ACP7: variants seen among roughly 807,000 people sequenced by gnomAD.
The protein encoded by ACP7 is acid phosphatase type 7.
In ACP7, 58 loss-of-function variants were observed where a neutral mutation model predicts 60.6. That is an observed-to-expected ratio of 0.96 (90% CI 0.77 to 1.19). The LOEUF (loss-of-function observed/expected upper bound fraction) is 1.19. Ranked by LOEUF, ACP7 falls within the 50% of genes most tolerant of loss-of-function variation. ACP7 has a pLI of 0.00. For missense variants in ACP7, 574 were observed against 596.2 expected (o/e 0.96, Z 0.39); for synonymous variants, 237 against 232.6 (o/e 1.02, Z -0.17).
chr19:39,101,942 C>CAAA (rs35540772), intron 11 of ACP7, among the ~76,000 whole-genome samples: 51 of 122,972 alleles, frequency 4.1e-4, no homozygotes, highest in African/African-American at 1.3e-3. Context: ...CTTGTCTATA[C>CAAA]AAAAAAAAAA....
intron 12 of ACP7, among the ~76,000 whole-genome samples, chr19:39,108,296 C>A (rs1051737134): frequency 6.6e-6 from 1 of 151,866 alleles, no homozygotes; most frequent in African/African-American, 2.4e-5. Flanking sequence ...CCCACCACCA[C>A]ACCCGGCTAA....
At chr19:39,092,743 TTCA>T (rs1222903764) in intron 2 of ACP7, among the ~76,000 whole-genome samples, 1 of 151,808 alleles carries the variant, frequency 6.6e-6, no homozygotes, top group Non-Finnish European at 1.5e-5. Flanking sequence ...TCTCTGTTTC[TTCA>T]TCCCTACTAC....
Position 39,100,218 on chromosome 19 carries a change from C to T in ACP7, c.506-9C>T. 1 of 1,613,502 alleles carries T rather than the reference C, an allele frequency of 6.2e-7. No individual in the cohort carries two copies. The highest frequency in any genetic ancestry group is 8.5e-7 in the Non-Finnish European group (1 of 1,179,616). The stretch of plus-strand genomic sequence containing the variant: ...TGGGTCCTCACCCTCCTTCCGCCCC[C>T]TCCCCCAGGAGACTTTGCCTACAAC... On this transcript the variant is annotated splice_polypyrimidine_tract_variant and intron_variant, in intron 4 of 12. Transcript: ENST00000331256.
At position 39,101,020 on chromosome 19, in the gene ACP7, C is replaced by T. The variant is rs756183542; in HGVS notation, c.879C>T (p.Asn293=). ...TMGHRPMYCS[N]ADLDDCTRHE... ...GGCACCGGCCCATGTACTGCTCCAA[C>T]GCAGATCTGGACGACTGCACACGAC... The change falls in exon 8 of 13, where the codon AAC becomes AAT. Residue 293 remains asparagine, a synonymous_variant. Transcript: ENST00000331256. 1.7e-5 allele frequency: 27 copies of T among 1,613,876 alleles called. No individual in the cohort carries two copies. Among genetic ancestry groups the T allele is most frequent in the South Asian group, 5.5e-5 (5 of 91,090 alleles).
At chr19:39,105,739 T>C (rs946609227) in intron 11 of ACP7, among the ~76,000 whole-genome samples, 3 of 151,712 alleles carry the variant, frequency 2.0e-5, no homozygotes, top group Non-Finnish European at 4.4e-5. Flanking sequence ...CTTGAACTCC[T>C]GGGCTCAAGC....
chr19:39,109,943 A>C, intron 12 of ACP7, 110 bp from the exon 13 acceptor site: 2 of 1,069,940 alleles, frequency 1.9e-6, no homozygotes, highest in Non-Finnish European at 2.8e-6. Context: ...CCACTTGCTC[A>C]GGGTTGTACA....
chr19:39,106,808 G>A, intron 11 of ACP7, 139 bp from the exon 12 acceptor site: 1 of 991,682 alleles, frequency 1.0e-6, no homozygotes, highest in Non-Finnish European at 1.5e-6. Context: ...ACAGGCATGA[G>A]CCACTGCGCC....
intron 2 of ACP7, among the ~76,000 whole-genome samples, chr19:39,088,566 G>A (rs950851390): frequency 1.3e-5 from 2 of 152,092 alleles, no homozygotes; most frequent in South Asian, 2.1e-4. Context: ...TGCTTTAGAC[G>A]GATAACTCAT....
intron 5 of ACP7, 64 bp from the exon 6 acceptor site, chr19:39,100,516 G>T: frequency 3.1e-6 from 5 of 1,603,818 alleles, no homozygotes; most frequent in Non-Finnish European, 3.4e-6. Flanking sequence ...CAGTGGCGGG[G>T]TATAGGAGTA....
At chr19:39,090,709 T>C (rs538381482) in intron 2 of ACP7, among the ~76,000 whole-genome samples, 1 of 151,634 alleles carries the variant, frequency 6.6e-6, no homozygotes, top group Admixed American at 6.6e-5. Flanking sequence ...CTGGAACTCC[T>C]GGGCTCAAGC....
chr19:39,098,427 C>G (rs372569286), intron 2 of ACP7, 31 bp from the exon 3 acceptor site: 2 of 1,283,594 alleles, frequency 1.6e-6, no homozygotes, highest in Admixed American at 2.2e-5. Flanking sequence ...AGGCTTCACT[C>G]CCGGTCTACC....
chr19:39,101,221 A>G lies in ACP7; in HGVS notation c.973+14A>G, dbSNP rs549803197. The G allele has an allele frequency of 6.2e-7, 1 of 1,614,140 alleles. No individual in the cohort carries two copies. Among genetic ancestry groups the G allele is most frequent in the South Asian group, 1.1e-5 (1 of 91,082 alleles). On this transcript the variant is annotated intron_variant, in intron 9 of 12. Coordinates refer to ENST00000331256, the MANE Select transcript of ACP7 (RefSeq NM_001004318.3). ...TCTACAAATATGGTGAGCGACCCTC[A>G]GGACCCATGCCCCACACCCCACCTC...
rs142073546 is a variant in ACP7 at position 39,107,000 on chromosome 19, C to T, written c.1167C>T (p.Ala389=). 8.1e-6 allele frequency: 13 copies of T among 1,613,912 alleles called. No homozygotes were observed. In the East Asian group the frequency reaches 1.8e-4, roughly 22 times the overall value. The change falls in exon 12 of 13, where the codon GCC becomes GCT. Residue 389 remains alanine (A), a synonymous_variant. Transcript: ENST00000331256. ...PFAVFPRPWS[A]VRVKEYGYTR... is the part of the protein sequence containing the mutation. ...CTGTCTTCCCGAGGCCCTGGAGTGC[C>T]GTGCGTGTGAAGGAGTACGGGTATA...
intron 11 of ACP7, among the ~76,000 whole-genome samples, chr19:39,104,165 G>C (rs1184185196): frequency 2.0e-5 from 3 of 151,802 alleles, no homozygotes; most frequent in Non-Finnish European, 4.4e-5. Context: ...AACAGTTACA[G>C]AGGGCAGGAG....
Position 39,099,095 on chromosome 19 carries a change from T to TGC in ACP7, c.461_462dup (p.Arg155AlafsTer47), listed in dbSNP as rs1230588893. On this transcript the variant is annotated frameshift_variant, in exon 4 of 13. Transcript: ENST00000331256. LOFTEE classifies it high-confidence loss of function. ...GACAACCCGAAGGCCGTCCCCCGGC[T>TGC]GCGCAGGGACACCCAGCAGGGCATG... The TGC allele has an allele frequency of 6.3e-7, 1 of 1,599,914 alleles. No individual in the cohort carries two copies. Among genetic ancestry groups the TGC allele is most frequent in the Non-Finnish European group, 8.5e-7 (1 of 1,174,192 alleles).
In ACP7 at chr19:39,098,873, T is replaced by TC. The variant is rs2073303551; in HGVS notation, c.323-83dup. On this transcript the variant is annotated intron_variant, in intron 3 of 12. Coordinates refer to ENST00000331256, the MANE Select transcript of ACP7 (RefSeq NM_001004318.3). ...AGCCCCCACCAGTCCCCCCATCTCC[T>TC]CCCCTCCACCAGTCGGGGAAGGATG... The TC allele has an allele frequency of 5.0e-6, 7 of 1,402,508 alleles. No individual in the cohort carries two copies. The South Asian group carries it at 5.2e-5, about 10-fold the overall frequency. The allele number at this position is 1,402,508 out of a possible 1,614,324, so 86.9% of individuals were successfully genotyped here.
chr19:39,098,796 C>T (rs1568479726), intron 3 of ACP7, 138 bp downstream of exon 3: 1 of 1,355,196 alleles, frequency 7.4e-7, no homozygotes, highest in Non-Finnish European at 9.9e-7. Flanking sequence ...GTATGAGACC[C>T]CAGGATGAAA....
chr19:39,096,942 C>T (rs1157157994), intron 2 of ACP7, among the ~76,000 whole-genome samples: 1 of 152,156 alleles, frequency 6.6e-6, no homozygotes, highest in Non-Finnish European at 1.5e-5. Flanking sequence ...GCTGGGACTA[C>T]AGGCACATGC....
At position 39,100,728 on chromosome 19, in the gene ACP7, G is replaced by A; in HGVS notation, c.693-11G>A. On this transcript the variant is annotated splice_polypyrimidine_tract_variant and intron_variant, in intron 6 of 12. Coordinates refer to ENST00000331256, the MANE Select transcript of ACP7 (RefSeq NM_001004318.3). ...CCCTGGTCCCTGACCCCTGCCCTTTGACTCCTCCAGCTGGGATCTGGGTCC... is the reference window on the plus strand; with the variant it reads ...CCCTGGTCCCTGACCCCTGCCCTTTAACTCCTCCAGCTGGGATCTGGGTCC... 1 of 1,613,690 alleles carries A rather than the reference G, an allele frequency of 6.2e-7. No homozygotes were observed. Among genetic ancestry groups the A allele is most frequent in the South Asian group, 1.1e-5 (1 of 91,080 alleles).
Sources: allele counts gnomAD v4.1 joint callset (sites outside exome capture counted in the v4.1 genomes callset), GRCh38; gene constraint gnomAD v4.1.1; transcripts MANE v1.5; gene names NCBI Gene and HGNC (gene_info 2026-07-23, HGNC 2026-07-21).